Variants in IQCM observed in about 807,000 individuals in gnomAD.
The protein encoded by IQCM is IQ motif containing M.
IQCM carries 45 observed loss-of-function variants against 57.6 expected under a neutral mutation model. The ratio of observed to expected loss-of-function variants is 0.78; its 90% CI spans 0.62 to 1.00. The LOEUF (loss-of-function observed/expected upper bound fraction) is 1.00, where lower values mean the gene tolerates loss of function less well. IQCM is among the 50% of genes least tolerant of loss of function. The probability of loss-of-function intolerance (pLI) is 0.00; values close to 1 mark genes in which losing one functional copy is unlikely to be tolerated. For missense variants in IQCM, 468 were observed against 511.6 expected (o/e 0.91, Z 0.82); for synonymous variants, 148 against 158.9 (o/e 0.93, Z 0.51).
At chr4:149,398,218 A>C (rs185654430) in intron 13 of IQCM, among the ~76,000 whole-genome samples, 2 of 152,122 alleles carry the variant, frequency 1.3e-5, no homozygotes, top group African/African-American at 4.8e-5. Flanking sequence ...CTGGGCTCTC[A>C]GTTCTGCTCC....
chr4:149,680,518 A>T (rs1441892247), intron 7 of IQCM, among the ~76,000 whole-genome samples: 1 of 151,302 alleles, frequency 6.6e-6, no homozygotes, highest in Non-Finnish European at 1.5e-5. Context: ...CACAGATAAT[A>T]CTGAAGTATA....
At chr4:149,814,911 A>G (rs2150074591) in intron 2 of IQCM, among the ~76,000 whole-genome samples, 1 of 152,108 alleles carries the variant, frequency 6.6e-6, no homozygotes, top group East Asian at 1.9e-4. Flanking sequence ...GAGATTAAAT[A>G]TGTCTGTGTT....
intron 7 of IQCM, among the ~76,000 whole-genome samples, chr4:149,652,128 A>T (rs1162708862): frequency 6.6e-6 from 1 of 152,212 alleles, no homozygotes; most frequent in Non-Finnish European, 1.5e-5. Flanking sequence ...GCCAGGAAAA[A>T]GAATGAGTTC....
At chr4:149,795,682 A>T (rs79583790) in intron 2 of IQCM, among the ~76,000 whole-genome samples, 3,344 of 152,150 alleles carry the variant, frequency 0.022, 64 homozygotes, top group South Asian at 0.036. Flanking sequence ...CTGCTTCTGG[A>T]GAAGAGAGGG....
chr4:149,549,390 C>A (rs935302488), intron 11 of IQCM, among the ~76,000 whole-genome samples: 8 of 150,864 alleles, frequency 5.3e-5, no homozygotes, highest in Admixed American at 5.3e-4. Flanking sequence ...TAGTGGCGGG[C>A]GCCTGTAGTC....
chr4:149,382,234 A>G (rs2111039155), intron 13 of IQCM, among the ~76,000 whole-genome samples: 1 of 152,248 alleles, frequency 6.6e-6, no homozygotes, highest in East Asian at 1.9e-4. Flanking sequence ...AAACCCTTGA[A>G]TAAGTGAATA....
intron 2 of IQCM, among the ~76,000 whole-genome samples, chr4:149,774,194 A>C (rs892981068): frequency 6.6e-6 from 1 of 152,136 alleles, no homozygotes; most frequent in Non-Finnish European, 1.5e-5. Context: ...GGTAAAAAAA[A>C]ATTTTTTTTA....
chr4:149,767,021 A>AT (rs1770130957), intron 2 of IQCM, among the ~76,000 whole-genome samples: 1 of 152,108 alleles, frequency 6.6e-6, no homozygotes. Context: ...CAAATATTAG[A>AT]TTTTAAAATA....
intron 3 of IQCM, among the ~76,000 whole-genome samples, chr4:149,741,442 G>A (rs569012399): frequency 6.6e-6 from 1 of 152,252 alleles, no homozygotes; most frequent in Middle Eastern, 3.4e-3. Context: ...GGTCATGTGG[G>A]CATGACCTAA....
chr4:149,752,855 T>G (rs973706600), intron 2 of IQCM, among the ~76,000 whole-genome samples: 2 of 152,184 alleles, frequency 1.3e-5, no homozygotes, highest in Non-Finnish European at 2.9e-5. Flanking sequence ...CCACTGGTGC[T>G]TGATACAGGG....
chr4:149,388,639 G>A (rs1019843591), intron 13 of IQCM, among the ~76,000 whole-genome samples: 23 of 138,386 alleles, frequency 1.7e-4, no homozygotes, highest in Non-Finnish European at 1.2e-4. Flanking sequence ...ACATATATGG[G>A]CAAAGAATAT....
chr4:149,372,763 T>C (rs1730448672), intron 13 of IQCM, among the ~76,000 whole-genome samples: 1 of 152,136 alleles, frequency 6.6e-6, no homozygotes, highest in Admixed American at 6.6e-5. Flanking sequence ...CAATTGCACC[T>C]CTTTTCCTTA....
chr4:149,674,148 A>T (rs1761550059), intron 7 of IQCM, among the ~76,000 whole-genome samples: 1 of 152,082 alleles, frequency 6.6e-6, no homozygotes, highest in Admixed American at 6.6e-5. Flanking sequence ...CACACTGATG[A>T]TTTTTTCCGG....
chr4:149,600,250 C>A (rs1754151339), intron 8 of IQCM, among the ~76,000 whole-genome samples: 1 of 152,116 alleles, frequency 6.6e-6, no homozygotes, highest in Non-Finnish European at 1.5e-5. Flanking sequence ...TTATATCTAA[C>A]AATTAGAGTC....
At chr4:149,638,538 G>A (rs1165277647) in intron 7 of IQCM, among the ~76,000 whole-genome samples, 2 of 151,886 alleles carry the variant, frequency 1.3e-5, no homozygotes, top group African/African-American at 4.8e-5. Flanking sequence ...CTGTGGTATA[G>A]TCAAACAATG....
At chr4:149,455,062 A>G (rs1737543073) in intron 12 of IQCM, among the ~76,000 whole-genome samples, 2 of 152,092 alleles carry the variant, frequency 1.3e-5, no homozygotes, top group Middle Eastern at 3.2e-3. Flanking sequence ...ATGGTGTGAA[A>G]GTGATAAACA....
rs939054352 is a variant in IQCM, at chr4:149,462,708, A to G, written c.1229-29151T>C. 9.2e-5 allele frequency among the ~76,000 whole-genome samples: 14 copies of G among 152,372 alleles called. No homozygotes were observed. The East Asian group carries it at 2.1e-3, about 23-fold the overall frequency. On this transcript the variant is annotated intron_variant, in intron 12 of 13. Coordinates refer to ENST00000636793, the MANE Select transcript of IQCM (RefSeq NM_001363507.2). ...TCTGGTGAGAATGAGGAATAAAGAC[A>G]TAAGTATTTTCAGCTGAGGCAAAGT...
At chr4:149,400,203 G>GTT (rs34266425) in intron 13 of IQCM, among the ~76,000 whole-genome samples, 357 of 142,988 alleles carry the variant, frequency 2.5e-3, no homozygotes, top group Non-Finnish European at 4.6e-3. Context: ...TCAGGAATAG[G>GTT]TTTTTTTTTT....
chr4:149,769,443 G>C (rs1029988890), intron 2 of IQCM, among the ~76,000 whole-genome samples: 1 of 151,470 alleles, frequency 6.6e-6, no homozygotes, highest in African/African-American at 2.4e-5. Context: ...CATGTTAATG[G>C]GGCACACATA....
Sources: allele counts gnomAD v4.1 joint callset (sites outside exome capture counted in the v4.1 genomes callset), GRCh38; gene constraint gnomAD v4.1.1; transcripts MANE v1.5; gene names NCBI Gene and HGNC (gene_info 2026-07-23, HGNC 2026-07-21).